Variants in THOC2 observed in about 807,000 individuals in gnomAD.
THOC2 encodes THO complex subunit 2.
Under a neutral mutation model 128.4 loss-of-function variants are expected in THOC2, and 10 were observed. The observed-to-expected ratio is 0.08, with a 90% confidence interval of 0.05 to 0.13. The LOEUF is 0.13. THOC2 is among the 10% of genes least tolerant of loss of function. The pLI is 1.00. For missense variants in THOC2, 535 were observed against 1,155.7 expected (o/e 0.46, Z 7.79); for synonymous variants, 393 against 396.9 (o/e 0.99, Z 0.12).
intron 9 of THOC2, among the ~76,000 whole-genome samples, chrX:123,671,121 T>A (rs2049261897): frequency 9.0e-6 from 1 of 111,690 alleles, no homozygotes; most frequent in Admixed American, 9.5e-5. Flanking sequence ...CTCTTCTACA[T>A]CCTGGGTCCA....
At chrX:123,670,462 T>A (rs1215484638) in intron 9 of THOC2, among the ~76,000 whole-genome samples, 1 of 111,540 alleles carries the variant, frequency 9.0e-6, no homozygotes, top group Non-Finnish European at 1.9e-5. Context: ...CCACTAAAAA[T>A]ACAAAAATTA....
At chrX:123,611,318 C>G in intron 37 of THOC2, 122 bp downstream of exon 37, 1 of 512,502 alleles carries the variant, frequency 2.0e-6, no homozygotes, top group Non-Finnish European at 3.1e-6. Flanking sequence ...CTGGAAAGAC[C>G]ATTTCAAAAC....
At chrX:123,715,784 C>CAAAAAAA (rs765556592) in intron 1 of THOC2, among the ~76,000 whole-genome samples, 3 of 38,091 alleles carry the variant, frequency 7.9e-5, no homozygotes, top group Admixed American at 3.3e-4. Flanking sequence ...GACCTTGTCT[C>CAAAAAAA]AAAAAAAAAA....
intron 25 of THOC2, among the ~76,000 whole-genome samples, chrX:123,624,881 C>T (rs1315835190): frequency 9.2e-6 from 1 of 109,012 alleles, no homozygotes; most frequent in African/African-American, 3.3e-5. Flanking sequence ...AAAACAAGAA[C>T]TTTTATAAAG....
chrX:123,618,621 T>C (rs2046976990), intron 33 of THOC2, among the ~76,000 whole-genome samples: 1 of 111,870 alleles, frequency 8.9e-6, no homozygotes, highest in African/African-American at 3.2e-5. Context: ...ATTCATTTGC[T>C]TGTAGCTTGT....
At chrX:123,666,178 C>G (rs1053807555) in intron 11 of THOC2, among the ~76,000 whole-genome samples, 1 of 111,818 alleles carries the variant, frequency 8.9e-6, no homozygotes, top group Non-Finnish European at 1.9e-5. Flanking sequence ...TGGCCGGTAT[C>G]GGGAACTTGG....
chrX:123,605,117 T>C (rs2046419377), intron 38 of THOC2, among the ~76,000 whole-genome samples: 1 of 111,909 alleles, frequency 8.9e-6, no homozygotes, highest in Admixed American at 9.5e-5. Context: ...GTGGATAAAA[T>C]GTAACAGAGT....
intron 7 of THOC2, among the ~76,000 whole-genome samples, chrX:123,695,628 C>T (rs1181009535): frequency 9.0e-6 from 1 of 111,496 alleles, no homozygotes; most frequent in Non-Finnish European, 1.9e-5. Context: ...CTTTTTGGTC[C>T]TCCATAAAAT....
chrX:123,690,325 A>C (rs1342659838), intron 7 of THOC2, among the ~76,000 whole-genome samples: 1 of 111,884 alleles, frequency 8.9e-6, no homozygotes, highest in Non-Finnish European at 1.9e-5. Flanking sequence ...ACAGATGTAT[A>C]CATATATTAA....
At chrX:123,718,202 T>A (rs1483354021) in intron 1 of THOC2, among the ~76,000 whole-genome samples, 1 of 112,199 alleles carries the variant, frequency 8.9e-6, no homozygotes, top group Non-Finnish European at 1.9e-5. Flanking sequence ...AAAGACAGTC[T>A]CTTCAATAAA....
intron 25 of THOC2, among the ~76,000 whole-genome samples, chrX:123,625,316 T>C (rs2047228169): frequency 9.0e-6 from 1 of 111,016 alleles, no homozygotes; most frequent in Non-Finnish European, 1.9e-5. Flanking sequence ...GCCAGGATGG[T>C]CTCGATCTCC....
At chrX:123,668,761 C>T (rs2049144364) in intron 9 of THOC2, among the ~76,000 whole-genome samples, 1 of 112,224 alleles carries the variant, frequency 8.9e-6, no homozygotes, top group South Asian at 3.6e-4. Flanking sequence ...TTTAAATCAT[C>T]TAAATGAAAA....
At chrX:123,716,572 A>C (rs757660075) in intron 1 of THOC2, among the ~76,000 whole-genome samples, 13 of 109,679 alleles carry the variant, frequency 1.2e-4, no homozygotes, top group Admixed American at 1.2e-3. Flanking sequence ...AAAAATACAA[A>C]AACAAAATTA....
In THOC2 at chrX:123,627,838, T is replaced by C. The variant is rs1273910350; in HGVS notation, c.2612A>G (p.Lys871Arg). Residue 871 changes from lysine (K) to arginine (R), a missense_variant, in exon 23 of 39, where the codon AAA becomes AGA. Transcript: ENST00000245838. ...HEAVVSLHVS[K>R]VWDDISPQFY... ...TTGAGGGCTGATGTCATCCCAGACT[T>C]TGGAAACATGTAAGGAGACCACTGC... 8.3e-7 allele frequency: 1 copy of C among 1,210,081 alleles called. No individual in the cohort carries two copies. Among genetic ancestry groups the C allele is most frequent in the African/African-American group, 1.7e-5 (1 of 57,175 alleles).
intron 21 of THOC2, 44 bp from the exon 22 acceptor site, chrX:123,631,896 G>A (rs2047497105): frequency 9.1e-7 from 1 of 1,092,987 alleles, no homozygotes; most frequent in South Asian, 2.1e-5. Flanking sequence ...TTTCCAAAGT[G>A]ATTAAGAAGT....
At chrX:123,613,935 A>C (rs2046796545) in intron 34 of THOC2, 117 bp downstream of exon 34, 1 of 812,180 alleles carries the variant, frequency 1.2e-6, no homozygotes, top group Admixed American at 3.1e-5. Context: ...AAATATCAAT[A>C]AAATCATGAA....
At chrX:123,730,944 A>T (rs1316970089) in intron 1 of THOC2, among the ~76,000 whole-genome samples, 1 of 112,370 alleles carries the variant, frequency 8.9e-6, no homozygotes, top group Non-Finnish European at 1.9e-5. Flanking sequence ...ACTCCGTCTC[A>T]AGGGGGAAAA....
At chrX:123,715,019 CTTT>C (rs368332983) in intron 1 of THOC2, among the ~76,000 whole-genome samples, 9 of 83,548 alleles carry the variant, frequency 1.1e-4, no homozygotes, top group Admixed American at 1.4e-4. Flanking sequence ...GCAATAAAGG[CTTT>C]TTTTTTTTTT....
intron 12 of THOC2, among the ~76,000 whole-genome samples, chrX:123,654,241 A>C (rs957223792): frequency 1.8e-5 from 2 of 109,183 alleles, no homozygotes; most frequent in African/African-American, 6.7e-5. Context: ...AACATCACAC[A>C]CAGGGGTCTG....
Sources: allele counts gnomAD v4.1 joint callset (sites outside exome capture counted in the v4.1 genomes callset), GRCh38; gene constraint gnomAD v4.1.1; transcripts MANE v1.5; gene names NCBI Gene and HGNC (gene_info 2026-07-23, HGNC 2026-07-21).